Variants in MMEL1 observed in about 807,000 individuals in gnomAD.
The protein encoded by MMEL1 is membrane metalloendopeptidase like 1, also known as membrane metallo-endopeptidase-like 1.
Under a neutral mutation model 117.1 loss-of-function variants are expected in MMEL1, and 98 were observed. That is an observed-to-expected ratio of 0.84 (90% CI 0.71 to 0.99). The LOEUF is 0.99. Among genes scored for constraint, MMEL1 ranks in the 50% least tolerant of loss-of-function variants. The probability of loss-of-function intolerance (pLI) is 0.00; values close to 1 mark genes in which losing one functional copy is unlikely to be tolerated. For synonymous variants in MMEL1, 390 were observed against 415.1 expected (o/e 0.94, Z 0.74); for missense variants, 1,014 against 1,049.1 (o/e 0.97, Z 0.46).
chr1:2,604,650 G>A (rs926838783), intron 9 of MMEL1, among the ~76,000 whole-genome samples: 4 of 151,900 alleles, frequency 2.6e-5, no homozygotes, highest in Non-Finnish European at 4.4e-5. Context: ...GGTGGGTGCC[G>A]GGGTGGTGGG....
Position 2,604,122 on chromosome 1 carries a change from TCCCCACCCG to T in MMEL1, c.951+16_951+24del, listed in dbSNP as rs765525424. The T allele has an allele frequency of 3.7e-6, 5 of 1,357,432 alleles. No individual in the cohort carries two copies. The highest frequency in any genetic ancestry group is 5.2e-6 in the Non-Finnish European group (5 of 959,958). The allele number at this position is 1,357,432 out of a possible 1,614,324, so 84.1% of individuals were successfully genotyped here. ...GGCTCCCAGCCCACTCGCTGCCCGC[TCCCCACCCG>T]CCCCGGCCCCCTTACCTTGGCCAGC... On this transcript the variant is annotated intron_variant, in intron 10 of 23. Transcript: ENST00000378412.
chr1:2,604,233 G>C lies in MMEL1; in HGVS notation c.865C>G (p.Arg289Gly). The change falls in exon 10 of 24, where the codon CGG becomes GGG. Residue 289 changes from arginine (R) to glycine (G), a missense_variant. Arg to Gly is a moderately radical substitution (Grantham distance 125). Coordinates refer to ENST00000378412, the MANE Select transcript of MMEL1 (RefSeq NM_033467.4). ...QFMVSVATLL[R>G]EDANLPRDSC... Reference sequence around the variant, plus strand: ...TCCCTGGGCAGGTTTGCATCCTCCCGCAGCAACGTGGCCACTGACACCATG... The same window carrying C: ...TCCCTGGGCAGGTTTGCATCCTCCCCCAGCAACGTGGCCACTGACACCATG... 1 of 1,599,138 alleles carries C rather than the reference G, an allele frequency of 6.3e-7. No homozygotes were observed. Among genetic ancestry groups the C allele is most frequent in the Non-Finnish European group, 8.5e-7 (1 of 1,171,396 alleles).
intron 2 of MMEL1, among the ~76,000 whole-genome samples, chr1:2,616,598 C>T (rs560114525): frequency 2.4e-4 from 37 of 152,262 alleles, no homozygotes; most frequent in Non-Finnish European, 4.3e-4. Context: ...CAGATGTGCC[C>T]CACAACAAAT....
chr1:2,603,633 C>A (rs537168981), intron 11 of MMEL1, among the ~76,000 whole-genome samples: 4 of 136,908 alleles, frequency 2.9e-5, no homozygotes, highest in Admixed American at 2.2e-4. Flanking sequence ...GGGGCCATCA[C>A]AGCACCGCAC....
At chr1:2,630,495 C>T (rs1241344531) in intron 1 of MMEL1, among the ~76,000 whole-genome samples, 1 of 150,708 alleles carries the variant, frequency 6.6e-6, no homozygotes, top group East Asian at 2.0e-4. Context: ...CACGTGTGTG[C>T]GTGTGCTCTC....
rs371121352 is a variant in MMEL1, at chr1:2,597,152, C to T, written c.1273-463G>A. On this transcript the variant is annotated intron_variant, in intron 13 of 23. Transcript: ENST00000378412. The stretch of plus-strand genomic sequence containing the variant: ...ATCTGTCCCCAGGGACACAGGAGCA[C>T]GAGACTCTGGGCCCCAGACTCAGGC... Among the ~76,000 whole-genome samples the T allele has an allele frequency of 4.4e-4, 67 of 152,204 alleles. 1 individual carries two copies. In the East Asian group the frequency reaches 4.4e-3, roughly 10 times the overall value.
At chr1:2,626,269 T>G (rs897535047) in intron 2 of MMEL1, among the ~76,000 whole-genome samples, 24 of 152,208 alleles carry the variant, frequency 1.6e-4, no homozygotes, top group Non-Finnish European at 3.4e-4. Flanking sequence ...TTGAGCTTTC[T>G]GAGTGGTCAA....
At chr1:2,602,935 C>T (rs1164143386) in intron 11 of MMEL1, among the ~76,000 whole-genome samples, 3 of 152,230 alleles carry the variant, frequency 2.0e-5, no homozygotes, top group Non-Finnish European at 2.9e-5. Context: ...GTCCCTCTCC[C>T]GCACCGGAAC....
chr1:2,603,291 C>T (rs1357409954), intron 11 of MMEL1, among the ~76,000 whole-genome samples: 1 of 152,238 alleles, frequency 6.6e-6, no homozygotes, highest in Non-Finnish European at 1.5e-5. Context: ...CACGCCTGCG[C>T]CTCCTGGGGG....
Position 2,599,973 on chromosome 1 carries a change from T to A in MMEL1, c.1042-1183A>T, listed in dbSNP as rs188426540. Among the ~76,000 whole-genome samples the A allele has an allele frequency of 6.3e-3, 960 of 152,314 alleles. 11 individuals carry two copies. Among genetic ancestry groups the A allele is most frequent in the African/African-American group, 0.021 (888 of 41,578 alleles). ...CTCCATAGCAAACATAACTTTTTTT[T>A]AAATTTATTTTTGAGACAGAGTCTC... On this transcript the variant is annotated intron_variant, in intron 11 of 23. Transcript: ENST00000378412.
In MMEL1 at chr1:2,594,913, A is replaced by G. The variant is rs556231947; in HGVS notation, c.1585-20T>C. 17 of 1,599,730 alleles carry G rather than the reference A, an allele frequency of 1.1e-5. No homozygotes were observed. The highest frequency in any genetic ancestry group is 4.5e-5 in the East Asian group (2 of 44,798). On this transcript the variant is annotated intron_variant, in intron 16 of 23. Transcript: ENST00000378412. ...GTTCAGCTACGGGAGAGGGGCAGTC[A>G]CTGCCAGATGCTGGGGCCGGGCCCT...
chr1:2,596,953 G>A (rs775185902), intron 13 of MMEL1, among the ~76,000 whole-genome samples: 6 of 152,004 alleles, frequency 3.9e-5, no homozygotes, highest in African/African-American at 7.3e-5. Context: ...GTTCCTCCCC[G>A]GCCCCTGTCC....
Position 2,609,806 on chromosome 1 carries a change from G to C in MMEL1, c.318C>G (p.Asp106Glu). The C allele has an allele frequency of 1.2e-6, 2 of 1,612,260 alleles. No individual in the cohort carries two copies. The highest frequency in any genetic ancestry group is 1.7e-6 in the Non-Finnish European group (2 of 1,179,164). The change falls in exon 5 of 24, where the codon GAC (aspartate) becomes GAG (glutamate). Residue 106 changes from aspartate (D) to glutamate (E), a missense_variant. Transcript: ENST00000378412. ...AGTCGTCACACGGTTCCGTGGTCGG[G>C]TCCATGTTCTGGAGGATCCTGGCAG... ...IAAARILQNM[D>E]PTTEPCDDFY...
rs754357588 is a variant in MMEL1, at chr1:2,604,296, G to C, written c.817-15C>G. On this transcript the variant is annotated splice_polypyrimidine_tract_variant and intron_variant, in intron 9 of 23. Transcript: ENST00000378412. ...GCTTCCCGCACCTGGGCCAAAGGAC[G>C]CCGGGCAGAGCTGGGTGGCCTCAGC... 1.9e-6 allele frequency: 3 copies of C among 1,611,538 alleles called. No homozygotes were observed. The highest frequency in any genetic ancestry group is 2.5e-6 in the Non-Finnish European group (3 of 1,179,306).
At chr1:2,624,262 G>T (rs890854209) in intron 2 of MMEL1, among the ~76,000 whole-genome samples, 1 of 152,222 alleles carries the variant, frequency 6.6e-6, no homozygotes, top group Non-Finnish European at 1.5e-5. Context: ...GCTGGAGCAG[G>T]CAAGAGGAGA....
chr1:2,612,343 C>A lies in MMEL1; in HGVS notation c.155-139G>T. 1 of 666,298 alleles carries A rather than the reference C, an allele frequency of 1.5e-6. No individual in the cohort carries two copies. Among genetic ancestry groups the A allele is most frequent in the Non-Finnish European group, 2.6e-6 (1 of 387,198 alleles). The allele number at this position is 666,298 out of a possible 1,614,324, so 41.3% of individuals were successfully genotyped here. On this transcript the variant is annotated intron_variant, in intron 2 of 23. Transcript: ENST00000378412. This position sits in a 1 kb window ranked among gnomAD's most constrained non-coding sequence, Gnocchi z 5.4. ...TACCCCTGTAGTGAGGGCTGGTCCC[C>A]AGGGCAGCGAGACAGGAGATCCACA...
intron 14 of MMEL1, 108 bp downstream of exon 14, chr1:2,596,453 T>TG (rs1008900576): frequency 7.6e-6 from 11 of 1,455,266 alleles, no homozygotes; most frequent in African/African-American, 2.8e-5. Context: ...TCTGGTGAGC[T>TG]GGGGCAGGTG....
intron 7 of MMEL1, among the ~76,000 whole-genome samples, chr1:2,606,572 G>T (rs1026231446): frequency 2.0e-5 from 3 of 152,200 alleles, no homozygotes; most frequent in Non-Finnish European, 4.4e-5. Context: ...GACCGGAGGG[G>T]GTTGGGAGCA....
Position 2,629,439 on chromosome 1 carries a change from G to T in MMEL1, c.46C>A (p.Arg16Ser), listed in dbSNP as rs753052253. Residue 16 changes from arginine to serine, a missense_variant, in exon 2 of 24, where the codon CGT (arginine) becomes AGT (serine). Physicochemically the swap from Arg to Ser is moderately radical, Grantham distance 110. Coordinates refer to ENST00000378412, the MANE Select transcript of MMEL1 (RefSeq NM_033467.4). The stretch of plus-strand genomic sequence containing the variant: ...AACCCCGGGCGCTTCTGCCCTGCAC[G>T]GCCGGCGCTCTCCACCATCCCCACT... ...GPVGMVESAG[R>S]AGQKRPGFLE... is the part of the protein sequence containing the mutation. The T allele has an allele frequency of 1.3e-6, 2 of 1,543,946 alleles. No individual in the cohort carries two copies. Among genetic ancestry groups the T allele is most frequent in the Admixed American group, 2.0e-5 (1 of 50,850 alleles).
Sources: allele counts gnomAD v4.1 joint callset (sites outside exome capture counted in the v4.1 genomes callset), GRCh38; gene constraint gnomAD v4.1.1; non-coding constraint Gnocchi (gnomAD v3.1); transcripts MANE v1.5; gene names NCBI Gene and HGNC (gene_info 2026-07-23, HGNC 2026-07-21).